SHISA9: variants seen among roughly 807,000 people sequenced by gnomAD.
SHISA9 encodes the protein shisa family member 9.
SHISA9 carries 13 observed loss-of-function variants against 38.0 expected under a neutral mutation model. The ratio of observed to expected loss-of-function variants is 0.34; its 90% confidence interval spans 0.22 to 0.54. The LOEUF (loss-of-function observed/expected upper bound fraction) is 0.54, where lower values mean the gene tolerates loss of function less well. Ranked by LOEUF, SHISA9 falls within the 20% of genes least tolerant of loss-of-function variation. The pLI is 0.91. For missense variants in SHISA9, 538 were observed against 575.8 expected, an observed-to-expected ratio of 0.93 and a Z score of 0.67; for synonymous variants, 275 against 242.0, an observed-to-expected ratio of 1.14 and a Z score of -1.27.
intron 2 of SHISA9, among the ~76,000 whole-genome samples, chr16:13,106,619 A>C (rs2141962136): frequency 6.6e-6 from 1 of 152,336 alleles, no homozygotes; most frequent in Non-Finnish European, 1.5e-5. Flanking sequence ...CAAGGAGAGA[A>C]GACCTTCAGC....
intron 4 of SHISA9, among the ~76,000 whole-genome samples, chr16:13,221,114 C>A (rs1282574482): frequency 1.3e-5 from 2 of 152,094 alleles, no homozygotes; most frequent in African/African-American, 4.8e-5. Flanking sequence ...TCCTGGACGC[C>A]TTTTTCCGGT....
At chr16:13,485,225 T>A in the SHISA9 span, among the ~76,000 whole-genome samples, 1 of 152,014 alleles carries the variant, frequency 6.6e-6, no homozygotes, top group Non-Finnish European at 1.5e-5. Flanking sequence ...TGGTGTGTGA[T>A]CTTCCCCTCC....
At chr16:13,512,851 A>C in the SHISA9 span, among the ~76,000 whole-genome samples, 1 of 152,224 alleles carries the variant, frequency 6.6e-6, no homozygotes. Context: ...CGTATACAAA[A>C]ATTAACTCAA....
chr16:13,422,273 T>G, the SHISA9 span, among the ~76,000 whole-genome samples: 1 of 152,208 alleles, frequency 6.6e-6, no homozygotes, highest in Non-Finnish European at 1.5e-5. Context: ...TTCCTGTCCT[T>G]GCTACAAGTG....
chr16:13,045,180 C>G lies in SHISA9; in HGVS notation c.691+128365C>G, dbSNP rs75197399. Among the ~76,000 whole-genome samples, 1,031 of 152,256 alleles carry G rather than the reference C, an allele frequency of 6.8e-3. 3 individuals carry two copies. The highest frequency in any genetic ancestry group is 0.01 in the Non-Finnish European group (692 of 68,016). ...ATGTATTTAGGCTTAAAGTATGAGT[C>G]AATATAGAAATGTTAAGCTAATAAT... On this transcript the variant is annotated intron_variant, in intron 2 of 4. Coordinates refer to ENST00000558583, the MANE Select transcript of SHISA9 (RefSeq NM_001145204.3).
chr16:13,014,237 T>A (rs2072714123), intron 2 of SHISA9, among the ~76,000 whole-genome samples: 1 of 152,194 alleles, frequency 6.6e-6, no homozygotes, highest in Non-Finnish European at 1.5e-5. Context: ...CAGATGTGCC[T>A]GAATCCAGAG....
chr16:13,296,302 G>A, the SHISA9 span, among the ~76,000 whole-genome samples: 2 of 151,466 alleles, frequency 1.3e-5, no homozygotes, highest in Non-Finnish European at 2.9e-5. Context: ...GGGAAAATAA[G>A]TGGTTACATC....
chr16:13,392,977 G>C, the SHISA9 span, among the ~76,000 whole-genome samples: 1 of 152,190 alleles, frequency 6.6e-6, no homozygotes, highest in Non-Finnish European at 1.5e-5. Context: ...AAGCGAAACA[G>C]GTCGTGGTAC....
the SHISA9 span, among the ~76,000 whole-genome samples, chr16:13,387,152 A>G: frequency 3.3e-5 from 5 of 152,240 alleles, no homozygotes; most frequent in Non-Finnish European, 7.3e-5. Context: ...ATTTGCAACC[A>G]GCACCATGAC....
Position 13,063,809 on chromosome 16 carries a change from G to A in SHISA9, c.692-139585G>A, listed in dbSNP as rs561898877. ...GATATGGGGAGTATGACCCTATGCG[G>A]CCCTCAGCCTTTTTGGACCAGGAAA... is the stretch of plus-strand genomic sequence containing the variant. On this transcript the variant is annotated intron_variant, in intron 2 of 4. Coordinates refer to ENST00000558583, the MANE Select transcript of SHISA9 (RefSeq NM_001145204.3). Among the ~76,000 whole-genome samples the A allele has an allele frequency of 2.6e-5, 4 of 152,296 alleles. No individual in the cohort carries two copies. In the East Asian group the frequency reaches 7.7e-4, roughly 29 times the overall value.
the SHISA9 span, among the ~76,000 whole-genome samples, chr16:13,546,718 T>C: frequency 2.8e-3 from 422 of 152,356 alleles, 4 homozygotes; most frequent in African/African-American, 9.6e-3. Context: ...ATTCCTGTTT[T>C]TGTAAAGACA....
the SHISA9 span, among the ~76,000 whole-genome samples, chr16:13,529,600 G>T: frequency 1.7e-4 from 26 of 152,136 alleles, no homozygotes; most frequent in African/African-American, 6.3e-4. Flanking sequence ...GGCTACTTTG[G>T]TTTGTGTTTT....
chr16:13,071,809 T>A (rs1056967956), intron 2 of SHISA9, among the ~76,000 whole-genome samples: 17 of 151,954 alleles, frequency 1.1e-4, no homozygotes, highest in African/African-American at 1.9e-4. Flanking sequence ...GGCTTTTATT[T>A]TTTTTTTTAA....
At chr16:13,463,145 G>A in the SHISA9 span, among the ~76,000 whole-genome samples, 1 of 152,134 alleles carries the variant, frequency 6.6e-6, no homozygotes, top group African/African-American at 2.4e-5. Context: ...GGGTGACAGA[G>A]TGAGACCCTG....
At chr16:13,254,057 C>T in the SHISA9 span, among the ~76,000 whole-genome samples, 1 of 152,210 alleles carries the variant, frequency 6.6e-6, no homozygotes, top group African/African-American at 2.4e-5. Flanking sequence ...AAATGGAGCT[C>T]TGGCTTCATC....
chr16:13,449,575 A>G, the SHISA9 span, among the ~76,000 whole-genome samples: 115 of 152,302 alleles, frequency 7.6e-4, no homozygotes, highest in African/African-American at 2.7e-3. Flanking sequence ...TTGTACCATC[A>G]ATGTGTGTGT....
chr16:13,542,532 C>G, the SHISA9 span, among the ~76,000 whole-genome samples: 2 of 152,178 alleles, frequency 1.3e-5, no homozygotes, highest in Admixed American at 1.3e-4. Context: ...AAGCTCACAC[C>G]TGTGTTTTCA....
chr16:13,422,330 A>G, the SHISA9 span, among the ~76,000 whole-genome samples: 2 of 152,180 alleles, frequency 1.3e-5, no homozygotes, highest in Non-Finnish European at 2.9e-5. Context: ...TTCAACATTC[A>G]AAAGCTATTT....
At chr16:13,227,910 C>T (rs2051294883) in intron 4 of SHISA9, among the ~76,000 whole-genome samples, 1 of 152,136 alleles carries the variant, frequency 6.6e-6, no homozygotes. Context: ...TAGTAAGTTG[C>T]CTACCATAGA....
Sources: gnomAD v4.1 joint callset for allele counts (sites outside exome capture counted in the v4.1 genomes callset) on GRCh38, gnomAD v4.1.1 for gene constraint, MANE v1.5 for transcripts, NCBI Gene and HGNC (gene_info 2026-07-23, HGNC 2026-07-21) for gene names.